The following PTPRD variants were observed in gnomAD, a reference collection of about 807,000 sequenced individuals.
The protein encoded by PTPRD is protein tyrosine phosphatase receptor type D, also known as receptor-type tyrosine-protein phosphatase delta.
Under a neutral mutation model 214.5 loss-of-function variants are expected in PTPRD, and 34 were observed. The ratio of observed to expected loss-of-function variants is 0.16; its 90% CI spans 0.12 to 0.21. PTPRD has a LOEUF of 0.21. Among genes scored for constraint, PTPRD ranks in the 10% least tolerant of loss-of-function variants. The pLI is 1.00. For synonymous variants in PTPRD, 1,128 were observed against 845.7 expected, an observed-to-expected ratio of 1.33 and a Z score of -5.79; for missense variants, 2,545 against 2,398.7, an observed-to-expected ratio of 1.06 and a Z score of -1.27.
intron 2 of PTPRD, among the ~76,000 whole-genome samples, chr9:10,431,441 T>G (rs992167851): frequency 6.6e-6 from 1 of 152,090 alleles, no homozygotes; most frequent in Admixed American, 6.6e-5. Flanking sequence ...AAGTGGGATC[T>G]AATGAAACTA....
chr9:10,177,255 A>G (rs1452290164), intron 3 of PTPRD, among the ~76,000 whole-genome samples: 1 of 151,880 alleles, frequency 6.6e-6, no homozygotes, highest in Non-Finnish European at 1.5e-5. Flanking sequence ...CAATGTTGAA[A>G]GAGAAGAATA....
chr9:9,487,481 T>C lies in PTPRD; in HGVS notation c.-237+87251A>G, dbSNP rs867242894. On this transcript the variant is annotated intron_variant, in intron 8 of 45. Transcript: ENST00000381196. The stretch of plus-strand genomic sequence containing the variant: ...ATCATTGTTGGATATTTGGGTCGGT[T>C]CCAAGTCTTTGCTATTGTGAATAGT... Among the ~76,000 whole-genome samples the C allele has an allele frequency of 1.1e-4, 16 of 152,270 alleles. No homozygotes were observed. The South Asian group carries it at 2.3e-3, about 22-fold the overall frequency.
At chr9:9,232,145 G>A (rs1452953959) in intron 9 of PTPRD, among the ~76,000 whole-genome samples, 2 of 152,138 alleles carry the variant, frequency 1.3e-5, no homozygotes. Context: ...TTAGTATGCT[G>A]AGTTGACAAA....
intron 8 of PTPRD, among the ~76,000 whole-genome samples, chr9:9,412,549 C>T (rs1007995509): frequency 6.6e-6 from 1 of 152,072 alleles, no homozygotes; most frequent in Non-Finnish European, 1.5e-5. Context: ...ACTTTCCCAG[C>T]CTCAGGCCAC....
chr9:9,187,983 A>G (rs1368414385), intron 9 of PTPRD, among the ~76,000 whole-genome samples: 1 of 152,032 alleles, frequency 6.6e-6, no homozygotes, highest in Non-Finnish European at 1.5e-5. Context: ...ATCATACAAA[A>G]TAAACATCAG....
rs147643633 is a variant in PTPRD, at chr9:9,237,808, C to T, written c.-202-54445G>A. On this transcript the variant is annotated intron_variant, in intron 9 of 45. Coordinates refer to ENST00000381196, the MANE Select transcript of PTPRD (RefSeq NM_002839.4). ...AATCCCTGCTATCTATATGTTCAGT[C>T]CCTCTGTCAGCTTCTTTTCTTGTTG... 1.5e-3 allele frequency among the ~76,000 whole-genome samples: 235 copies of T among 152,214 alleles called. 3 individuals carry two copies. The highest frequency in any genetic ancestry group is 5.2e-3 in the African/African-American group (215 of 41,530).
At chr9:9,650,503 T>C (rs940663839) in intron 7 of PTPRD, among the ~76,000 whole-genome samples, 13 of 152,178 alleles carry the variant, frequency 8.5e-5, no homozygotes, top group Admixed American at 2.0e-4. Context: ...TCAACAAGGA[T>C]AATGCCCTGA....
At chr9:8,638,925 C>T (rs2154331570) in intron 12 of PTPRD, among the ~76,000 whole-genome samples, 1 of 152,284 alleles carries the variant, frequency 6.6e-6, no homozygotes. Flanking sequence ...TCACTGCAAC[C>T]TCCACTACCC....
At chr9:8,365,219 T>C (rs1183210484) in intron 39 of PTPRD, among the ~76,000 whole-genome samples, 1 of 152,118 alleles carries the variant, frequency 6.6e-6, no homozygotes, top group Non-Finnish European at 1.5e-5. Flanking sequence ...ACGGCTATGA[T>C]TCACTGTGAA....
In PTPRD at chr9:9,270,874, G is replaced by A. The variant is rs185262178; in HGVS notation, c.-202-87511C>T. Among the ~76,000 whole-genome samples, 481 of 151,412 alleles carry A rather than the reference G, an allele frequency of 3.2e-3. 3 individuals carry two copies. The highest frequency in any genetic ancestry group is 5.5e-3 in the Non-Finnish European group (371 of 67,552). On this transcript the variant is annotated intron_variant, in intron 9 of 45. Coordinates refer to ENST00000381196, the MANE Select transcript of PTPRD (RefSeq NM_002839.4). Reference sequence around the variant, plus strand: ...ACCAATAGAACTCATTAATGGAATAGATATCGGGGGGTGTAGGGATAGGAG... The same window carrying A: ...ACCAATAGAACTCATTAATGGAATAAATATCGGGGGGTGTAGGGATAGGAG...
chr9:8,360,933 T>G (rs2078307675), intron 39 of PTPRD, among the ~76,000 whole-genome samples: 1 of 152,182 alleles, frequency 6.6e-6, no homozygotes, highest in African/African-American at 2.4e-5. Context: ...TTCACCCCCC[T>G]GCATCAATTA....
In PTPRD at chr9:8,741,482, C is replaced by G. The variant is rs190414124; in HGVS notation, c.-103-7536G>C. Among the ~76,000 whole-genome samples the G allele has an allele frequency of 4.0e-3, 602 of 150,442 alleles. 11 individuals are homozygous for G. The highest frequency in any genetic ancestry group is 3.5e-3 in the Admixed American group (53 of 15,078). ...CTGTACAAGTGAGAAACAGATCTTT[C>G]TCGCAAAGTGTAGATAGATATGCAA... is the stretch of plus-strand genomic sequence containing the variant. On this transcript the variant is annotated intron_variant, in intron 11 of 45. Coordinates refer to ENST00000381196, the MANE Select transcript of PTPRD (RefSeq NM_002839.4).
At chr9:10,114,579 G>GGT (rs1178565795) in intron 3 of PTPRD, among the ~76,000 whole-genome samples, 2 of 151,464 alleles carry the variant, frequency 1.3e-5, no homozygotes, top group East Asian at 1.9e-4. Flanking sequence ...GTATTATATA[G>GGT]GTGTATATAT....
chr9:10,326,391 TAAAC>T, intron 3 of PTPRD, among the ~76,000 whole-genome samples: 1 of 151,772 alleles, frequency 6.6e-6, no homozygotes, highest in East Asian at 1.9e-4. Flanking sequence ...ATTTATTAAC[TAAAC>T]AAAGTTTAAA....
Position 10,372,626 on chromosome 9 carries a change from C to T in PTPRD, c.-599-31609G>A, listed in dbSNP as rs142933872. ...CTCTAAACTTTTACATATTCCATTA[C>T]GTCCTAGAGCCTCCATCAGTGCCTG... is the stretch of plus-strand genomic sequence containing the variant. On this transcript the variant is annotated intron_variant, in intron 2 of 45. Transcript: ENST00000381196. 1.8e-3 allele frequency among the ~76,000 whole-genome samples: 272 copies of T among 151,988 alleles called. 1 individual carries two copies. The highest frequency in any genetic ancestry group is 5.6e-3 in the African/African-American group (232 of 41,480).
At chr9:10,283,125 T>TACACAC (rs58492445) in intron 3 of PTPRD, among the ~76,000 whole-genome samples, 3,582 of 149,468 alleles carry the variant, frequency 0.024, 112 homozygotes, top group African/African-American at 0.072. Context: ...CCTGCATATG[T>TACACAC]ACACACACAC....
At chr9:8,941,332 C>T (rs1298329176) in intron 11 of PTPRD, among the ~76,000 whole-genome samples, 1 of 152,010 alleles carries the variant, frequency 6.6e-6, no homozygotes, top group African/African-American at 2.4e-5. Flanking sequence ...AGTTTATCAA[C>T]AAAATTACAC....
At chr9:10,214,388 T>C (rs1045243512) in intron 3 of PTPRD, among the ~76,000 whole-genome samples, 10 of 151,478 alleles carry the variant, frequency 6.6e-5, no homozygotes, top group African/African-American at 2.2e-4. Flanking sequence ...GTGATTCTCC[T>C]GCCTCTGCCT....
chr9:9,389,228 C>A (rs968005722), intron 9 of PTPRD, among the ~76,000 whole-genome samples: 1 of 152,108 alleles, frequency 6.6e-6, no homozygotes, highest in African/African-American at 2.4e-5. Flanking sequence ...TAGTAAAACG[C>A]AGCTGGGCGC....
Sources: allele counts gnomAD v4.1 joint callset (sites outside exome capture counted in the v4.1 genomes callset), GRCh38; gene constraint gnomAD v4.1.1; transcripts MANE v1.5; gene names NCBI Gene and HGNC (gene_info 2026-07-23, HGNC 2026-07-21).